The following CACNA1G variants were observed in gnomAD, a reference collection of about 807,000 sequenced individuals.
The protein encoded by CACNA1G is calcium voltage-gated channel subunit alpha1 G, also known as voltage-dependent T-type calcium channel subunit alpha-1G.
In CACNA1G, 67 loss-of-function variants were observed where a neutral mutation model predicts 219.4. The ratio of observed to expected loss-of-function variants is 0.31; its 90% CI spans 0.25 to 0.37. CACNA1G has a LOEUF of 0.37. Ranked by LOEUF, CACNA1G falls within the 10% of genes least tolerant of loss-of-function variation. CACNA1G has a pLI of 1.00. For synonymous variants in CACNA1G, 1,296 were observed against 1,345.3 expected (o/e 0.96, Z 0.80); for missense variants, 2,380 against 3,231.4 (o/e 0.74, Z 6.39).
chr17:50,587,491 G>A (rs1004461003), intron 9 of CACNA1G, among the ~76,000 whole-genome samples: 1 of 152,214 alleles, frequency 6.6e-6, no homozygotes, highest in African/African-American at 2.4e-5. Flanking sequence ...CTATGTCCTC[G>A]TCCTGCATTC....
chr17:50,619,315 C>T (rs1033228607), intron 33 of CACNA1G, among the ~76,000 whole-genome samples: 3 of 152,158 alleles, frequency 2.0e-5, no homozygotes, highest in Admixed American at 2.0e-4. Context: ...CTGTTTCTTT[C>T]TTACCCTTGC....
intron 26 of CACNA1G, among the ~76,000 whole-genome samples, chr17:50,611,122 C>CGG (rs2049099121): frequency 6.6e-6 from 1 of 152,012 alleles, no homozygotes; most frequent in African/African-American, 2.4e-5. Flanking sequence ...GGCGTGGTGG[C>CGG]ATACGCCTGT....
In CACNA1G at chr17:50,575,665, C is replaced by T. The variant is rs749686862; in HGVS notation, c.1263C>T (p.Ser421=). Reference sequence around the variant, plus strand: ...GTGTGCGGTTCCTGTCCAACGCCAGCACCCTGGCTAGCTTCTCTGAGCCCG... The same window carrying T: ...GTGTGCGGTTCCTGTCCAACGCCAGTACCCTGGCTAGCTTCTCTGAGCCCG... ...EQRVRFLSNA[S]TLASFSEPGS... The change falls in exon 8 of 38, where the codon AGC becomes AGT. Residue 421 remains serine, a synonymous_variant. Coordinates refer to ENST00000359106, the MANE Select transcript of CACNA1G (RefSeq NM_018896.5). 3 of 1,613,308 alleles carry T rather than the reference C, an allele frequency of 1.9e-6. No individual in the cohort carries two copies. In the Admixed American group the frequency reaches 5.0e-5, roughly 27 times the overall value.
intron 9 of CACNA1G, among the ~76,000 whole-genome samples, chr17:50,585,570 C>T (rs77746885): frequency 0.021 from 3,177 of 152,216 alleles, 110 homozygotes; most frequent in African/African-American, 0.071. Flanking sequence ...TAAAGCCTCT[C>T]CTTGGCACTG....
Position 50,561,544 on chromosome 17 carries a change from G to A in CACNA1G, c.85G>A (p.Gly29Arg), listed in dbSNP as rs1476556873. Residue 29 changes from glycine (G) to arginine (R), a missense_variant, in exon 1 of 38, where the codon GGG becomes AGG. Physicochemically the swap from Gly to Arg is moderately radical, Grantham distance 125. Coordinates refer to ENST00000359106, the MANE Select transcript of CACNA1G (RefSeq NM_018896.5). ...GCGGCTCAACGACCTGTCGGGGGCC[G>A]GGGGCCGGCCGGGGCCGGGGTCAGC... is the stretch of plus-strand genomic sequence containing the variant. ...FMRLNDLSGA[G>R]GRPGPGSAEK... is the part of the protein sequence containing the mutation. 1 of 1,537,488 alleles carries A rather than the reference G, an allele frequency of 6.5e-7. No individual in the cohort carries two copies.
chr17:50,626,669 G>A lies in CACNA1G; in HGVS notation c.7052G>A (p.Ser2351Asn). The A allele has an allele frequency of 1.2e-6, 2 of 1,613,100 alleles. No homozygotes were observed. Among genetic ancestry groups the A allele is most frequent in the Non-Finnish European group, 1.7e-6 (2 of 1,179,812 alleles). Residue 2351 changes from serine (S) to asparagine (N), a missense_variant, in exon 38 of 38, where the codon AGC becomes AAC. Ser to Asn is a conservative substitution (Grantham distance 46). Coordinates refer to ENST00000359106, the MANE Select transcript of CACNA1G (RefSeq NM_018896.5). This position sits in a 1 kb window ranked among gnomAD's most constrained non-coding sequence, Gnocchi z 4.3. ...KDPLASGPPDSMAASPSPKKD... is the reference protein window; with the variant it reads ...KDPLASGPPDNMAASPSPKKD... ...CCCTTGGCCTCTGGCCCCCCTGACA[G>A]CATGGCTGCCTCGCCCTCCCCAAAG...
At chr17:50,625,279 G>A (rs923954989) in intron 37 of CACNA1G, among the ~76,000 whole-genome samples, 4 of 152,228 alleles carry the variant, frequency 2.6e-5, no homozygotes, top group Non-Finnish European at 5.9e-5. Context: ...TAAGGCCACA[G>A]CCCATGCCAT....
intron 19 of CACNA1G, 138 bp from the exon 20 acceptor site, chr17:50,602,682 A>G: frequency 1.4e-6 from 1 of 706,468 alleles, no homozygotes; most frequent in Non-Finnish European, 2.5e-6. Context: ...GAGGGGCGTG[A>G]TCTACATTGT....
chr17:50,624,335 C>G, intron 36 of CACNA1G, 25 bp from the exon 37 acceptor site: 3 of 1,366,010 alleles, frequency 2.2e-6, no homozygotes, highest in South Asian at 1.2e-5. Flanking sequence ...CCCCCCACCC[C>G]TCCCCCGCTT....
chr17:50,587,854 C>T (rs1280348193), intron 9 of CACNA1G, among the ~76,000 whole-genome samples: 3 of 152,102 alleles, frequency 2.0e-5, no homozygotes, highest in African/African-American at 7.2e-5. Flanking sequence ...CCATAAGCCT[C>T]TCGGTGGTGT....
Position 50,578,331 on chromosome 17 carries a change from A to T in CACNA1G, c.2068A>T (p.Ser690Cys). ...LADREMPDSDSEAVYEFTQDA... is the reference protein window; with the variant it reads ...LADREMPDSDCEAVYEFTQDA... ...CGACCGTGAAATGCCTGACTCAGAC[A>T]GCGAGGCAGTTTATGAGTTCACACA... is the stretch of plus-strand genomic sequence containing the variant. The change falls in exon 9 of 38, where the codon AGC becomes TGC. Residue 690 changes from serine (S) to cysteine (C), a missense_variant. Physicochemically the swap from Ser to Cys is moderately radical, Grantham distance 112. This residue lies in a region of CACNA1G where 434 missense variants were observed against 417.3 expected (regional missense o/e 1.04). Coordinates refer to ENST00000359106, the MANE Select transcript of CACNA1G (RefSeq NM_018896.5). This position sits in a 1 kb window ranked among gnomAD's most constrained non-coding sequence, Gnocchi z 4.5. 1 of 1,613,258 alleles carries T rather than the reference A, an allele frequency of 6.2e-7. No individual in the cohort carries two copies. Among genetic ancestry groups the T allele is most frequent in the Non-Finnish European group, 8.5e-7 (1 of 1,179,854 alleles).
chr17:50,564,240 CT>C (rs1443981807), intron 1 of CACNA1G, among the ~76,000 whole-genome samples: 3 of 151,214 alleles, frequency 2.0e-5, no homozygotes, highest in Non-Finnish European at 2.9e-5. Context: ...ACAGTCACCC[CT>C]GCCTCAGATC....
chr17:50,624,366 T>C lies in CACNA1G; in HGVS notation c.6236T>C (p.Val2079Ala). ...CGCTTCCCTCCCTCCACAGGCTCCG[T>C]CTTGTCCGTTCACTCCCAGCCAGCA... ...WGLPKAQSGS[V>A]LSVHSQPADT... The change falls in exon 37 of 38, where the codon GTC becomes GCC. Residue 2079 changes from valine (V) to alanine (A), a missense_variant. Transcript: ENST00000359106. 7.7e-7 allele frequency: 1 copy of C among 1,291,422 alleles called. No individual in the cohort carries two copies. Among genetic ancestry groups the C allele is most frequent in the Non-Finnish European group, 1.0e-6 (1 of 965,676 alleles). 80.0% of individuals were successfully genotyped at this position (1,291,422 alleles called of 1,614,324 possible).
chr17:50,578,082 A>G lies in CACNA1G; in HGVS notation c.1925-106A>G. The G allele has an allele frequency of 6.6e-6, 9 of 1,356,828 alleles. No individual in the cohort carries two copies. Among genetic ancestry groups the G allele is most frequent in the Non-Finnish European group, 8.8e-6 (9 of 1,020,730 alleles). The allele number at this position is 1,356,828 out of a possible 1,614,324, so 84.0% of individuals were successfully genotyped here. A position where few individuals can be genotyped will look rare whatever the true frequency, so the allele number is the denominator to read the frequency against. ...CCCACTAAGTGCCTAGCACCCCATC[A>G]CTGTAACAACCCCAGACTCCCTGAC... is the stretch of plus-strand genomic sequence containing the variant. On this transcript the variant is annotated intron_variant, in intron 8 of 37. Coordinates refer to ENST00000359106, the MANE Select transcript of CACNA1G (RefSeq NM_018896.5). The surrounding 1 kb of genome is among the most constrained non-coding windows in gnomAD (Gnocchi z 4.5).
In CACNA1G at chr17:50,599,740, G is replaced by A. The variant is rs952793224; in HGVS notation, c.3571G>A (p.Gly1191Arg). 1 of 1,613,680 alleles carries A rather than the reference G, an allele frequency of 6.2e-7. No homozygotes were observed. The highest frequency in any genetic ancestry group is 8.5e-7 in the Non-Finnish European group (1 of 1,179,842). Residue 1191 changes from glycine (G) to arginine (R), a missense_variant, in exon 17 of 38, where the codon GGG becomes AGG. By Grantham distance (125) the Gly-to-Arg change is moderately radical. Around this residue, in one of 17 missense-constraint regions of CACNA1G, gnomAD observed 418 missense variants for 434.3 expected, o/e 0.96. Transcript: ENST00000359106. ...GCTGCATCGCACTGCCAGTGGCCGA[G>A]GGTCTGCTTCTGAGCACCAGGACTG... ...PGLHRTASGRGSASEHQDCNG... is the reference protein window; with the variant it reads ...PGLHRTASGRRSASEHQDCNG...
At chr17:50,572,499 C>G in intron 5 of CACNA1G, 55 bp from the exon 6 acceptor site, 2 of 1,431,812 alleles carry the variant, frequency 1.4e-6, no homozygotes, top group Non-Finnish European at 1.9e-6. Flanking sequence ...CCTGGGCCCT[C>G]TCCCTGGAGA....
Position 50,624,036 on chromosome 17 carries a change from C to T in CACNA1G, c.6190C>T (p.Leu2064=). The change falls in exon 36 of 38, where the codon CTG becomes TTG. Residue 2064 remains leucine, a synonymous_variant. Transcript: ENST00000359106. ...CRHGSTAEGP[L]GHRGWGLPKA... Reference sequence around the variant, plus strand: ...GCATGGGAGCACTGCCGAGGGGCCCCTGGGACACAGGGGCTGGGGGCTCCC... The same window carrying T: ...GCATGGGAGCACTGCCGAGGGGCCCTTGGGACACAGGGGCTGGGGGCTCCC... 6.2e-7 allele frequency: 1 copy of T among 1,612,662 alleles called. No individual in the cohort carries two copies. Among genetic ancestry groups the T allele is most frequent in the East Asian group, 2.2e-5 (1 of 44,780 alleles).
In CACNA1G at chr17:50,569,221, G is replaced by A. The variant is rs2038794114; in HGVS notation, c.411G>A (p.Val137=). ...FFAVEMVVKM[V]ALGIFGKKCY... The stretch of plus-strand genomic sequence containing the variant: ...CCGTGGAGATGGTGGTGAAGATGGT[G>A]GCCTTGGGCATCTTTGGGAAAAAGT... The change falls in exon 3 of 38, where the codon GTG becomes GTA. Residue 137 remains valine, a synonymous_variant. Transcript: ENST00000359106. 1.2e-6 allele frequency: 2 copies of A among 1,613,720 alleles called. No homozygotes were observed. Among genetic ancestry groups the A allele is most frequent in the Non-Finnish European group, 1.7e-6 (2 of 1,179,846 alleles).
rs929346748 is a variant in CACNA1G, at chr17:50,596,020, C to T, written c.2980-542C>T. Among the ~76,000 whole-genome samples, 9 of 152,040 alleles carry T rather than the reference C, an allele frequency of 5.9e-5. No individual in the cohort carries two copies. Among genetic ancestry groups the T allele is most frequent in the Non-Finnish European group, 1.0e-4 (7 of 68,002 alleles). ...GTAAAAATGGGGCCAGGGAGGGGGCCGGGACTTGGGGAAGATGAAGGGAAG... is the reference window on the plus strand; with the variant it reads ...GTAAAAATGGGGCCAGGGAGGGGGCTGGGACTTGGGGAAGATGAAGGGAAG... On this transcript the variant is annotated intron_variant, in intron 14 of 37. Coordinates refer to ENST00000359106, the MANE Select transcript of CACNA1G (RefSeq NM_018896.5). The surrounding 1 kb of genome is among the most constrained non-coding windows in gnomAD (Gnocchi z 4.8).
Sources: gnomAD v4.1 joint callset for allele counts (sites outside exome capture counted in the v4.1 genomes callset) on GRCh38, gnomAD v4.1.1 for gene constraint, gnomAD v4.1.1 regional missense constraint, Gnocchi (gnomAD v3.1) non-coding constraint, MANE v1.5 for transcripts, NCBI Gene and HGNC (gene_info 2026-07-23, HGNC 2026-07-21) for gene names.